The following SAP130 variants were observed in gnomAD, a reference collection of about 807,000 sequenced individuals.
SAP130 encodes histone deacetylase complex subunit SAP130.
SAP130 carries 16 observed loss-of-function variants against 103.2 expected under a neutral mutation model. The ratio of observed to expected loss-of-function variants is 0.16; its 90% CI spans 0.10 to 0.24. The LOEUF (loss-of-function observed/expected upper bound fraction) is 0.24. Among genes scored for constraint, SAP130 ranks in the 10% least tolerant of loss-of-function variants. SAP130 has a pLI of 1.00. For missense variants in SAP130, 990 were observed against 1,359.7 expected (o/e 0.73, Z 4.28); for synonymous variants, 477 against 497.0 (o/e 0.96, Z 0.53).
rs924789907 is a variant in SAP130 at position 128,027,854 on chromosome 2, C to G, written c.-7+86G>C. On this transcript the variant is annotated intron_variant, in intron 1 of 20. Coordinates refer to ENST00000643581, the MANE Select transcript of SAP130 (RefSeq NM_001330301.2). ...TCCTCTGCCCTTCCCCGGGGACGCG[C>G]AACGGGACGGACGCTGCAGCCCGGC... The G allele has an allele frequency of 3.2e-5, 28 of 873,542 alleles. No individual in the cohort carries two copies. In the African/African-American group the frequency reaches 4.9e-4, roughly 15 times the overall value. The allele number at this position is 873,542 out of a possible 1,614,324, so 54.1% of individuals were successfully genotyped here. A position where few individuals can be genotyped will look rare whatever the true frequency, so the allele number is the denominator to read the frequency against.
intron 18 of SAP130, among the ~76,000 whole-genome samples, 188 bp downstream of exon 18, chr2:127,949,681 G>C (rs1317233270): frequency 2.6e-5 from 4 of 152,096 alleles, no homozygotes; most frequent in Admixed American, 1.3e-4. Flanking sequence ...AGCTTGCTAG[G>C]GCAAAGGGTA....
intron 10 of SAP130, among the ~76,000 whole-genome samples, chr2:127,998,809 T>G (rs1683346881): frequency 6.6e-6 from 1 of 152,216 alleles, no homozygotes; most frequent in South Asian, 2.1e-4. Flanking sequence ...TCTTTATTGG[T>G]CTGACTTTCG....
chr2:127,942,208 T>TA lies in SAP130; in HGVS notation c.3016-45dup. On this transcript the variant is annotated intron_variant, in intron 20 of 20. Transcript: ENST00000643581. This position sits in a 1 kb window ranked among gnomAD's most constrained non-coding sequence, Gnocchi z 4.8. The stretch of plus-strand genomic sequence containing the variant: ...CATCATCAATCAGTGACCATGAGGA[T>TA]AGTACAGCTTTTAAAAAACTGCTTG... 1 of 1,532,790 alleles carries TA rather than the reference T, an allele frequency of 6.5e-7. No individual in the cohort carries two copies. The highest frequency in any genetic ancestry group is 8.8e-7 in the Non-Finnish European group (1 of 1,137,528). 94.9% of individuals were successfully genotyped at this position (1,532,790 alleles called of 1,614,324 possible).
Position 127,941,901 on chromosome 2 carries a change from A to C in SAP130, c.*105T>G, listed in dbSNP as rs2104829338. The C allele has an allele frequency of 1.3e-4, 112 of 854,910 alleles. No homozygotes were observed. Among genetic ancestry groups the C allele is most frequent in the East Asian group, 1.7e-4 (6 of 36,350 alleles). 53.0% of individuals were successfully genotyped at this position (854,910 alleles called of 1,614,324 possible). A position where few individuals can be genotyped will look rare whatever the true frequency, so the allele number is the denominator to read the frequency against. ...TGCTTTCACACGGGAACTAAGGAAC[A>C]CTTCCTTTATTTCAATGTTCCACTT... On this transcript the variant is annotated 3_prime_UTR_variant, in exon 21 of 21. Coordinates refer to ENST00000643581, the MANE Select transcript of SAP130 (RefSeq NM_001330301.2).
intron 7 of SAP130, among the ~76,000 whole-genome samples, chr2:128,001,904 T>C (rs1169086485): frequency 2.0e-5 from 3 of 151,840 alleles, no homozygotes; most frequent in East Asian, 1.9e-4. Context: ...CCAATATGCG[T>C]CCATTACCAG....
At position 128,023,136 on chromosome 2, in the gene SAP130, C is replaced by T. The variant is rs562968557; in HGVS notation, c.112+3045G>A. 5.3e-5 allele frequency among the ~76,000 whole-genome samples: 8 copies of T among 152,072 alleles called. No individual in the cohort carries two copies. In the East Asian group the frequency reaches 1.4e-3, roughly 26 times the overall value. Reference sequence around the variant, plus strand: ...CAGCCTCCCGATTAGCCGGGATTACCGGCACCCACCACCACGCCCAGCTAA... The same window carrying T: ...CAGCCTCCCGATTAGCCGGGATTACTGGCACCCACCACCACGCCCAGCTAA... On this transcript the variant is annotated intron_variant, in intron 2 of 20. Transcript: ENST00000643581.
rs1410261028 is a variant in SAP130 at position 128,016,255 on chromosome 2, C to T, written c.507+134G>A. The T allele has an allele frequency of 3.4e-6, 3 of 876,236 alleles. No homozygotes were observed. In the African/African-American group the frequency reaches 5.1e-5, roughly 15 times the overall value. The allele number at this position is 876,236 out of a possible 1,614,324, so 54.3% of individuals were successfully genotyped here. Reference sequence around the variant, plus strand: ...TATCCTTCTCTCTCAAACCTACTATCTTCACTTGCAGGTATCAGTGACTGT... The same window carrying T: ...TATCCTTCTCTCTCAAACCTACTATTTTCACTTGCAGGTATCAGTGACTGT... On this transcript the variant is annotated intron_variant, in intron 4 of 20. Coordinates refer to ENST00000643581, the MANE Select transcript of SAP130 (RefSeq NM_001330301.2).
At chr2:127,991,159 A>G (rs1682769659) in intron 12 of SAP130, among the ~76,000 whole-genome samples, 2 of 152,022 alleles carry the variant, frequency 1.3e-5, no homozygotes, top group Admixed American at 1.3e-4. Context: ...GTGAAGCAGG[A>G]GAATCACTTG....
intron 8 of SAP130, 27 bp from the exon 9 acceptor site, chr2:128,000,173 T>C (rs779004801): frequency 3.1e-5 from 50 of 1,611,694 alleles, no homozygotes; most frequent in Non-Finnish European, 4.2e-5. Context: ...ACAACACAGT[T>C]ATAAGAACAT....
At chr2:128,019,043 G>A (rs1467075486) in intron 2 of SAP130, among the ~76,000 whole-genome samples, 2 of 150,932 alleles carry the variant, frequency 1.3e-5, no homozygotes, top group African/African-American at 4.9e-5. Context: ...AGGCTGCAGT[G>A]AGCTGAGATT....
intron 15 of SAP130, among the ~76,000 whole-genome samples, chr2:127,956,017 G>A (rs1679813963): frequency 6.6e-6 from 1 of 152,036 alleles, no homozygotes; most frequent in African/African-American, 2.4e-5. Context: ...GTTGTCTTTG[G>A]AGTTGTTATT....
intron 5 of SAP130, among the ~76,000 whole-genome samples, chr2:128,013,511 C>T (rs1027757595): frequency 6.6e-6 from 1 of 152,092 alleles, no homozygotes; most frequent in African/African-American, 2.4e-5. Context: ...GAGCAGACGT[C>T]GACATTGCCA....
At chr2:127,951,100 T>C (rs935221647) in intron 16 of SAP130, among the ~76,000 whole-genome samples, 9 of 152,152 alleles carry the variant, frequency 5.9e-5, no homozygotes, top group Non-Finnish European at 8.8e-5. Flanking sequence ...AATTCACAGA[T>C]GAGAAAATAT....
Position 127,989,425 on chromosome 2 carries a change from A to G in SAP130, c.1780+139T>C. On this transcript the variant is annotated intron_variant, in intron 13 of 20. Transcript: ENST00000643581. This position sits in a 1 kb window ranked among gnomAD's most constrained non-coding sequence, Gnocchi z 4.6. Reference sequence around the variant, plus strand: ...CAGTGACCCTGAAACTCTAAGTTCTAAGCAACTCATATTATTAATACAAAG... The same window carrying G: ...CAGTGACCCTGAAACTCTAAGTTCTGAGCAACTCATATTATTAATACAAAG... 1 of 766,406 alleles carries G rather than the reference A, an allele frequency of 1.3e-6. No individual in the cohort carries two copies. Among genetic ancestry groups the G allele is most frequent in the Non-Finnish European group, 2.1e-6 (1 of 485,074 alleles). 47.5% of individuals were successfully genotyped at this position (766,406 alleles called of 1,614,324 possible). A position where few individuals can be genotyped will look rare whatever the true frequency, so the allele number is the denominator to read the frequency against.
chr2:128,014,708 A>G, intron 5 of SAP130, 95 bp downstream of exon 5: 1 of 882,674 alleles, frequency 1.1e-6, no homozygotes, highest in Non-Finnish European at 1.8e-6. Context: ...CAACTTTAAC[A>G]AGCTGATTCT....
At chr2:127,951,899 T>C (rs570310772) in intron 16 of SAP130, among the ~76,000 whole-genome samples, 1 of 152,312 alleles carries the variant, frequency 6.6e-6, no homozygotes, top group Non-Finnish European at 1.5e-5. Context: ...TCTATTTTAC[T>C]GAAAAAGATA....
At chr2:127,988,456 T>C (rs1047557684) in intron 13 of SAP130, among the ~76,000 whole-genome samples, 2 of 146,666 alleles carry the variant, frequency 1.4e-5, no homozygotes, top group Non-Finnish European at 3.0e-5. Context: ...AAAAAATCAG[T>C]GCCTTGGCTG....
At chr2:128,017,134 C>T (rs1038763687) in intron 3 of SAP130, among the ~76,000 whole-genome samples, 9 of 152,128 alleles carry the variant, frequency 5.9e-5, no homozygotes, top group African/African-American at 1.7e-4. Flanking sequence ...CCAGCCTGGC[C>T]GACATGGTGA....
At position 128,013,045 on chromosome 2, in the gene SAP130, A is replaced by C. The variant is rs766703869; in HGVS notation, c.729T>G (p.Ile243Met). The change falls in exon 6 of 21, where the codon ATT becomes ATG. Residue 243 changes from isoleucine (I) to methionine (M), a missense_variant. Transcript: ENST00000643581. The part of the protein sequence containing the change: ...ATAQPAVQHI[I>M]HQPIQSRPPV... ...TCCGACGTGCCTGGATTGGTTGGTG[A>C]ATGATGTGCTGTACTGCTGGCTGAG... is the stretch of plus-strand genomic sequence containing the variant. The C allele has an allele frequency of 6.2e-7, 1 of 1,610,216 alleles. No homozygotes were observed. The highest frequency in any genetic ancestry group is 2.2e-5 in the East Asian group (1 of 44,680).
Sources: allele counts gnomAD v4.1 joint callset (sites outside exome capture counted in the v4.1 genomes callset), GRCh38; gene constraint gnomAD v4.1.1; non-coding constraint Gnocchi (gnomAD v3.1); transcripts MANE v1.5; gene names NCBI Gene and HGNC (gene_info 2026-07-23, HGNC 2026-07-21).